TNFSF4: variants seen among roughly 807,000 people sequenced by gnomAD.
TNFSF4 encodes the protein tumor necrosis factor ligand superfamily member 4.
A neutral mutation model predicts 7.3 loss-of-function variants in TNFSF4; 4 were observed. That is an observed-to-expected ratio of 0.55 (90% CI 0.27 to 1.25). The LOEUF is 1.25. Among genes scored for constraint, TNFSF4 ranks in the 50% most tolerant of loss-of-function variants. TNFSF4 has a pLI of 0.12. For synonymous variants in TNFSF4, 76 were observed against 83.7 expected (o/e 0.91, Z 0.50); for missense variants, 181 against 208.8 (o/e 0.87, Z 0.82).
chr1:173,283,843 G>A, the TNFSF4 span, among the ~76,000 whole-genome samples: 1 of 149,006 alleles, frequency 6.7e-6, no homozygotes, highest in African/African-American at 2.5e-5. Flanking sequence ...AAAGACCAAA[G>A]CAAAGGAATG....
At chr1:173,204,902 A>AACAC (rs367741572) in intron 1 of TNFSF4, among the ~76,000 whole-genome samples, 1 of 144,804 alleles carries the variant, frequency 6.9e-6, no homozygotes, top group East Asian at 2.0e-4. Context: ...AACACACAGA[A>AACAC]ACACACACAC....
chr1:173,448,329 G>A, the TNFSF4 span, among the ~76,000 whole-genome samples: 8 of 151,980 alleles, frequency 5.3e-5, no homozygotes, highest in Non-Finnish European at 1.2e-4. Flanking sequence ...AAACACACAT[G>A]GAATATTCAC....
At chr1:173,291,816 A>G in the TNFSF4 span, among the ~76,000 whole-genome samples, 1 of 152,102 alleles carries the variant, frequency 6.6e-6, no homozygotes, top group Admixed American at 6.5e-5. Flanking sequence ...CAAAGGTGAC[A>G]TTACAAAAGA....
At chr1:173,444,040 A>G in the TNFSF4 span, among the ~76,000 whole-genome samples, 243 of 152,332 alleles carry the variant, frequency 1.6e-3, 1 homozygote, top group African/African-American at 5.4e-3. Context: ...AAGAAAAGGG[A>G]CAGGAAGACA....
chr1:173,227,576 C>T, the TNFSF4 span, among the ~76,000 whole-genome samples: 2,635 of 152,260 alleles, frequency 0.017, 81 homozygotes, highest in African/African-American at 0.059. Context: ...ACAGTGGGTG[C>T]AGCACAGTGG....
the TNFSF4 span, among the ~76,000 whole-genome samples, chr1:173,365,266 C>G: frequency 6.6e-6 from 1 of 152,138 alleles, no homozygotes; most frequent in Admixed American, 6.5e-5. Flanking sequence ...TTTTCTTACA[C>G]TTTTTGGCTA....
chr1:173,386,188 T>G, the TNFSF4 span, among the ~76,000 whole-genome samples: 1 of 152,196 alleles, frequency 6.6e-6, no homozygotes, highest in African/African-American at 2.4e-5. Context: ...TGCCCAGGGC[T>G]ACCTCAAGTC....
the TNFSF4 span, among the ~76,000 whole-genome samples, chr1:173,212,578 CAAA>C: frequency 4.1e-5 from 3 of 73,444 alleles, no homozygotes; most frequent in Non-Finnish European, 3.0e-5. Flanking sequence ...TTAGTGGGTA[CAAA>C]AAAAAAAAAA....
At chr1:173,297,861 G>C in the TNFSF4 span, among the ~76,000 whole-genome samples, 1 of 152,052 alleles carries the variant, frequency 6.6e-6, no homozygotes, top group East Asian at 1.9e-4. Flanking sequence ...AATGCCTCTG[G>C]TTAGAAATCA....
the TNFSF4 span, among the ~76,000 whole-genome samples, chr1:173,414,894 C>T: frequency 6.6e-6 from 1 of 152,202 alleles, no homozygotes; most frequent in East Asian, 1.9e-4. Context: ...AGTCGGGTTC[C>T]CTGAAGCCTT....
chr1:173,174,566 C>G, the TNFSF4 span: 3 of 152,282 alleles, frequency 2.0e-5, no homozygotes, highest in Non-Finnish European at 4.4e-5. Flanking sequence ...GGGAAGCAAA[C>G]GTGTCCTTCT....
chr1:173,391,428 TAGAAAGC>T, the TNFSF4 span, among the ~76,000 whole-genome samples: 1 of 71,450 alleles, frequency 1.4e-5, no homozygotes. Flanking sequence ...CTATCTTCCT[TAGAAAGC>T]AAAAAAAAAA....
chr1:173,329,765 T>C, the TNFSF4 span, among the ~76,000 whole-genome samples: 27 of 151,994 alleles, frequency 1.8e-4, no homozygotes, highest in East Asian at 5.2e-3. Flanking sequence ...GTGTTGCTAC[T>C]AAGAAATTTC....
the TNFSF4 span, among the ~76,000 whole-genome samples, chr1:173,338,116 T>C: frequency 6.6e-6 from 1 of 152,234 alleles, no homozygotes; most frequent in Admixed American, 6.5e-5. Flanking sequence ...GACTTCACAA[T>C]CTGCCAACAT....
the TNFSF4 span, among the ~76,000 whole-genome samples, chr1:173,276,894 TCTAA>T: frequency 6.6e-6 from 1 of 152,120 alleles, no homozygotes; most frequent in Non-Finnish European, 1.5e-5. Flanking sequence ...ACATATGATA[TCTAA>T]CTAACAGTGA....
At chr1:173,371,983 T>A in the TNFSF4 span, among the ~76,000 whole-genome samples, 1 of 152,222 alleles carries the variant, frequency 6.6e-6, no homozygotes, top group Non-Finnish European at 1.5e-5. Flanking sequence ...CCAGGCACTC[T>A]GGTCCTTCAG....
At chr1:173,195,137 A>G (rs1184664363) in intron 1 of TNFSF4, among the ~76,000 whole-genome samples, 2 of 152,168 alleles carry the variant, frequency 1.3e-5, no homozygotes, top group Non-Finnish European at 2.9e-5. Context: ...TTTATCCTAC[A>G]CTATCATAAG....
the TNFSF4 span, among the ~76,000 whole-genome samples, chr1:173,336,546 G>A: frequency 6.6e-6 from 1 of 152,276 alleles, no homozygotes; most frequent in South Asian, 2.1e-4. Flanking sequence ...CACAAGGCCA[G>A]AAATACACCT....
chr1:173,262,767 T>TA, the TNFSF4 span, among the ~76,000 whole-genome samples: 1 of 152,052 alleles, frequency 6.6e-6, no homozygotes, highest in Non-Finnish European at 1.5e-5. Context: ...CGCGCCTGGC[T>TA]AATTTTTTGT....
Sources: gnomAD v4.1 joint callset for allele counts (sites outside exome capture counted in the v4.1 genomes callset) on GRCh38, gnomAD v4.1.1 for gene constraint, MANE v1.5 for transcripts, NCBI Gene and HGNC (gene_info 2026-07-23, HGNC 2026-07-21) for gene names.